Variants in VPS35L observed in about 807,000 individuals in gnomAD.
VPS35L encodes VPS35 endosomal protein sorting factor like, also known as VPS35 endosomal protein-sorting factor-like.
Under a neutral mutation model 133.0 loss-of-function variants are expected in VPS35L, and 83 were observed. The observed-to-expected ratio is 0.62, with a 90% CI of 0.52 to 0.75. The LOEUF is 0.75. Ranked by LOEUF, VPS35L falls within the 30% of genes least tolerant of loss-of-function variation. The pLI is 0.00. For synonymous variants in VPS35L, 423 were observed against 449.9 expected, an observed-to-expected ratio of 0.94 and a Z score of 0.76; for missense variants, 1,083 against 1,206.8, an observed-to-expected ratio of 0.90 and a Z score of 1.52.
At position 19,569,600 on chromosome 16, in the gene VPS35L, C is replaced by T. The variant is rs1359750397; in HGVS notation, c.285+9C>T. On this transcript the variant is annotated intron_variant, in intron 3 of 30. Coordinates refer to ENST00000417362, the MANE Select transcript of VPS35L (RefSeq NM_020314.7). Reference sequence around the variant, plus strand: ...CCTTGGCAGCTGCCATGGTAATGCACCCCAGCCATGGTCGTCCAGTGGGGG... The same window carrying T: ...CCTTGGCAGCTGCCATGGTAATGCATCCCAGCCATGGTCGTCCAGTGGGGG... 9 of 1,526,864 alleles carry T rather than the reference C, an allele frequency of 5.9e-6. No individual in the cohort carries two copies. In the South Asian group the frequency reaches 6.5e-5, roughly 11 times the overall value. 94.6% of individuals were successfully genotyped at this position (1,526,864 alleles called of 1,614,324 possible). A position where few individuals can be genotyped will look rare whatever the true frequency, so the allele number is the denominator to read the frequency against.
chr16:19,668,784 C>A (rs891375678), intron 26 of VPS35L, among the ~76,000 whole-genome samples: 2 of 152,174 alleles, frequency 1.3e-5, no homozygotes, highest in African/African-American at 4.8e-5. Context: ...TCCCTTATTT[C>A]TCGTCTGTGA....
At chr16:19,603,239 C>T (rs1208448202) in intron 9 of VPS35L, among the ~76,000 whole-genome samples, 1 of 152,162 alleles carries the variant, frequency 6.6e-6, no homozygotes, top group African/African-American at 2.4e-5. Context: ...GCCCAGGGCC[C>T]TGCCACCAGC....
At chr16:19,616,220 C>A (rs370914557) in intron 13 of VPS35L, 29 bp downstream of exon 13, 19 of 1,552,344 alleles carry the variant, frequency 1.2e-5, no homozygotes, top group Non-Finnish European at 1.7e-5. Flanking sequence ...AATAGCTCAT[C>A]GATATAACAG....
chr16:19,650,965 G>A (rs1441140956), intron 25 of VPS35L, among the ~76,000 whole-genome samples: 7 of 146,188 alleles, frequency 4.8e-5, no homozygotes, highest in Admixed American at 1.4e-4. Flanking sequence ...TGCAACCTCC[G>A]CCTCCCAAGT....
intron 26 of VPS35L, among the ~76,000 whole-genome samples, chr16:19,666,923 TCTTTCTTTCTTC>T (rs1196888361): frequency 4.5e-4 from 45 of 99,226 alleles, no homozygotes; most frequent in Middle Eastern, 4.6e-3. Flanking sequence ...TTTCTTTCTT[TCTTTCTTTCTTC>T]CTTTCTTCCT....
chr16:19,610,858 T>C (rs1972693529), intron 12 of VPS35L, among the ~76,000 whole-genome samples: 2 of 152,154 alleles, frequency 1.3e-5, no homozygotes, highest in Admixed American at 6.5e-5. Flanking sequence ...CTGTGTGGCC[T>C]GGCTTAGGTG....
At chr16:19,649,201 G>A (rs528114047) in intron 24 of VPS35L, among the ~76,000 whole-genome samples, 16 of 152,172 alleles carry the variant, frequency 1.1e-4, no homozygotes, top group African/African-American at 3.9e-4. Flanking sequence ...ATGTTGGCCA[G>A]GCTGGTCTTG....
At chr16:19,601,006 G>A (rs35448130) in intron 8 of VPS35L, among the ~76,000 whole-genome samples, 17,879 of 152,128 alleles carry the variant, frequency 0.12, 1,173 homozygotes, top group East Asian at 0.18. Flanking sequence ...ATGGCTCACC[G>A]CAGCCTTGAA....
intron 2 of VPS35L, among the ~76,000 whole-genome samples, chr16:19,567,289 A>T (rs1971218651): frequency 6.6e-6 from 1 of 152,212 alleles, no homozygotes; most frequent in Non-Finnish European, 1.5e-5. Context: ...CAACATCAGC[A>T]GCAGGAAAAT....
At chr16:19,668,164 T>C (rs905852775) in intron 26 of VPS35L, among the ~76,000 whole-genome samples, 3 of 152,190 alleles carry the variant, frequency 2.0e-5, no homozygotes, top group Non-Finnish European at 4.4e-5. Flanking sequence ...GGTGTTCCTG[T>C]TTTAATTCAG....
intron 3 of VPS35L, among the ~76,000 whole-genome samples, chr16:19,570,998 C>G (rs75027958): frequency 6.6e-6 from 1 of 150,762 alleles, no homozygotes; most frequent in African/African-American, 2.4e-5. Context: ...CTCAGCCTTC[C>G]GAGTGGCTGG....
At chr16:19,683,579 A>G (rs954153208) in intron 28 of VPS35L, among the ~76,000 whole-genome samples, 1 of 152,124 alleles carries the variant, frequency 6.6e-6, no homozygotes, top group African/African-American at 2.4e-5. Context: ...GCACTAGTTC[A>G]CTTAGGATAA....
Position 19,619,782 on chromosome 16 carries a change from T to C in VPS35L, c.1224+2974T>C, listed in dbSNP as rs144672438. 5.3e-3 allele frequency among the ~76,000 whole-genome samples: 804 copies of C among 152,212 alleles called. 3 individuals carry two copies. Among genetic ancestry groups the C allele is most frequent in the African/African-American group, 0.018 (746 of 41,522 alleles). On this transcript the variant is annotated intron_variant, in intron 14 of 30. Transcript: ENST00000417362. Reference sequence around the variant, plus strand: ...GGGCACACTTAAAGGACATGCAGTGTCTTGTTAAAAAAAATAGTCATTTTC... The same window carrying C: ...GGGCACACTTAAAGGACATGCAGTGCCTTGTTAAAAAAAATAGTCATTTTC...
chr16:19,638,227 T>C (rs1218935788), intron 20 of VPS35L, among the ~76,000 whole-genome samples: 1 of 152,234 alleles, frequency 6.6e-6, no homozygotes, highest in African/African-American at 2.4e-5. Context: ...TCCATTTACA[T>C]GTGCTCACAA....
chr16:19,686,651 C>G (rs1308730315), intron 28 of VPS35L, among the ~76,000 whole-genome samples: 2 of 152,162 alleles, frequency 1.3e-5, no homozygotes, highest in Admixed American at 1.3e-4. Flanking sequence ...ATTTCTCCCC[C>G]TCGTGAGAGC....
intron 23 of VPS35L, among the ~76,000 whole-genome samples, chr16:19,646,340 G>C (rs1319551767): frequency 1.3e-5 from 2 of 152,160 alleles, no homozygotes; most frequent in East Asian, 3.9e-4. Context: ...GGCACAGACA[G>C]AAGCAGCAAG....
At chr16:19,692,673 C>G (rs966250005) in intron 29 of VPS35L, among the ~76,000 whole-genome samples, 1 of 152,184 alleles carries the variant, frequency 6.6e-6, no homozygotes, top group Non-Finnish European at 1.5e-5. Flanking sequence ...AAGTGATTCT[C>G]CTGCCTCAGC....
At chr16:19,572,001 A>T (rs1971399709) in intron 3 of VPS35L, among the ~76,000 whole-genome samples, 1 of 152,112 alleles carries the variant, frequency 6.6e-6, no homozygotes, top group African/African-American at 2.4e-5. Flanking sequence ...TATCCATCAG[A>T]TGGAGGATAT....
intron 14 of VPS35L, among the ~76,000 whole-genome samples, chr16:19,622,226 C>T (rs1463677731): frequency 6.8e-6 from 1 of 147,476 alleles, no homozygotes; most frequent in Non-Finnish European, 1.5e-5. Context: ...CTCATGGCAA[C>T]TTCTGCCTCC....
Sources: allele counts gnomAD v4.1 joint callset (sites outside exome capture counted in the v4.1 genomes callset), GRCh38; gene constraint gnomAD v4.1.1; transcripts MANE v1.5; gene names NCBI Gene and HGNC (gene_info 2026-07-23, HGNC 2026-07-21).